The following FBP1 variants were observed in gnomAD, a reference collection of about 807,000 sequenced individuals.
FBP1 encodes fructose-1,6-bisphosphatase 1.
In FBP1, 22 loss-of-function variants were observed where a neutral mutation model predicts 29.9. The observed-to-expected ratio is 0.74, with a 90% CI of 0.53 to 1.05. FBP1 has a LOEUF of 1.05. Ranked by LOEUF, FBP1 falls within the 50% of genes least tolerant of loss-of-function variation. The pLI is 0.00. For missense variants in FBP1, 345 were observed against 448.2 expected (o/e 0.77, Z 2.08); for synonymous variants, 175 against 178.6 (o/e 0.98, Z 0.16).
chr9:94,608,281 T>C (rs1017481589), intron 4 of FBP1, among the ~76,000 whole-genome samples: 45 of 152,068 alleles, frequency 3.0e-4, no homozygotes, highest in African/African-American at 1.0e-3. Flanking sequence ...GGCGGGAGGC[T>C]CAGCCCCGTC....
At chr9:94,605,356 T>G in intron 6 of FBP1, 101 bp downstream of exon 6, 1 of 1,243,702 alleles carries the variant, frequency 8.0e-7, no homozygotes, top group Non-Finnish European at 1.1e-6. Flanking sequence ...CAACCTAGCA[T>G]GGAGCGTAAT....
intron 2 of FBP1, among the ~76,000 whole-genome samples, chr9:94,618,973 A>G (rs1387212534): frequency 1.3e-5 from 2 of 152,124 alleles, no homozygotes; most frequent in African/African-American, 4.8e-5. Flanking sequence ...CCACTTTACA[A>G]TGTCGTTTTT....
intron 1 of FBP1, among the ~76,000 whole-genome samples, chr9:94,629,749 G>A (rs1022766711): frequency 6.6e-6 from 1 of 152,096 alleles, no homozygotes; most frequent in Non-Finnish European, 1.5e-5. Flanking sequence ...TGTCTTCATG[G>A]CCTTAGGAAT....
At chr9:94,615,641 T>C (rs1827851264) in intron 3 of FBP1, among the ~76,000 whole-genome samples, 1 of 152,188 alleles carries the variant, frequency 6.6e-6, no homozygotes, top group South Asian at 2.1e-4. Flanking sequence ...AGAATTTGAA[T>C]CTTCTATTCC....
chr9:94,637,973 C>A (rs1209315785), intron 1 of FBP1, among the ~76,000 whole-genome samples: 2 of 151,552 alleles, frequency 1.3e-5, no homozygotes, highest in Non-Finnish European at 2.9e-5. Flanking sequence ...GTAATCCCAG[C>A]TACTCGGGAG....
chr9:94,637,718 T>A (rs1828213119), intron 1 of FBP1, among the ~76,000 whole-genome samples: 1 of 152,130 alleles, frequency 6.6e-6, no homozygotes, highest in Non-Finnish European at 1.5e-5. Flanking sequence ...ATAGTGTGCA[T>A]AAGTGCGGGG....
chr9:94,603,971 A>G (rs1420887994), intron 6 of FBP1: 2 of 320,512 alleles, frequency 6.2e-6, no homozygotes, highest in Non-Finnish European at 6.1e-6. Flanking sequence ...AAAAAAATCC[A>G]TGGTGGTGTC....
intron 3 of FBP1, among the ~76,000 whole-genome samples, chr9:94,615,401 G>C (rs539988496): frequency 2.5e-4 from 38 of 152,178 alleles, no homozygotes; most frequent in African/African-American, 8.9e-4. Context: ...GGGGGACTGA[G>C]ATGGAGAATG....
intron 1 of FBP1, among the ~76,000 whole-genome samples, chr9:94,635,138 G>A (rs1470331261): frequency 2.0e-5 from 3 of 148,984 alleles, no homozygotes; most frequent in Non-Finnish European, 4.4e-5. Context: ...GAGATTTAGA[G>A]TTTGGTGAAT....
intron 1 of FBP1, among the ~76,000 whole-genome samples, chr9:94,623,697 C>T (rs1278717557): frequency 6.6e-6 from 1 of 152,228 alleles, no homozygotes; most frequent in Non-Finnish European, 1.5e-5. Context: ...TACTCAAAAT[C>T]TTCCTAGACA....
chr9:94,627,568 C>T (rs111900136), intron 1 of FBP1, among the ~76,000 whole-genome samples: 1 of 152,146 alleles, frequency 6.6e-6, no homozygotes, highest in African/African-American at 2.4e-5. Context: ...CGGCTGCCAT[C>T]CCCCGTCTGA....
rs1827646865 is a variant in FBP1, at chr9:94,603,579, A to G, written c.826-7T>C. 14 of 1,614,000 alleles carry G rather than the reference A, an allele frequency of 8.7e-6. No homozygotes were observed. The highest frequency in any genetic ancestry group is 1.2e-5 in the Non-Finnish European group (14 of 1,179,882). On this transcript the variant is annotated splice_polypyrimidine_tract_variant and splice_region_variant and intron_variant, in intron 6 of 6. Transcript: ENST00000375326. Reference sequence around the variant, plus strand: ...ATTCGTACAGCAGTCTCAGCTGGAAAACAAGACCGGGTAGCGGCCTCCTTG... The same window carrying G: ...ATTCGTACAGCAGTCTCAGCTGGAAGACAAGACCGGGTAGCGGCCTCCTTG...
intron 1 of FBP1, among the ~76,000 whole-genome samples, chr9:94,634,780 G>C (rs1828166492): frequency 1.3e-5 from 2 of 152,098 alleles, no homozygotes; most frequent in Non-Finnish European, 2.9e-5. Flanking sequence ...GGCCAACATG[G>C]CTAAACCCTG....
intron 6 of FBP1, 108 bp from the exon 7 acceptor site, chr9:94,603,680 C>T (rs757118871): frequency 4.4e-5 from 44 of 1,000,950 alleles, no homozygotes; most frequent in Non-Finnish European, 6.1e-5. Context: ...TCCAAGGGAA[C>T]GAATACTGTA....
chr9:94,613,536 G>T (rs200490674), intron 3 of FBP1, among the ~76,000 whole-genome samples: 2 of 53,482 alleles, frequency 3.7e-5, no homozygotes, highest in African/African-American at 5.8e-5. Context: ...AGGTCGAGGC[G>T]GGAGGATCGC....
intron 1 of FBP1, among the ~76,000 whole-genome samples, chr9:94,636,586 A>AAC (rs1828193806): frequency 7.2e-5 from 11 of 152,026 alleles, no homozygotes; most frequent in Non-Finnish European, 1.0e-4. Flanking sequence ...GTCTAAGGTT[A>AAC]CTTAGACAGT....
chr9:94,614,051 A>G (rs1297670644), intron 3 of FBP1, among the ~76,000 whole-genome samples: 1 of 151,252 alleles, frequency 6.6e-6, no homozygotes, highest in African/African-American at 2.4e-5. Flanking sequence ...ACTGCACTCC[A>G]GCCTGGGCGA....
intron 3 of FBP1, among the ~76,000 whole-genome samples, chr9:94,613,773 G>GA (rs1265714573): frequency 8.8e-6 from 1 of 113,826 alleles, no homozygotes; most frequent in Non-Finnish European, 1.9e-5. Context: ...TCAAAAAAAA[G>GA]AAAAAAAAGA....
chr9:94,604,731 C>G (rs1369401318), intron 6 of FBP1, among the ~76,000 whole-genome samples: 1 of 152,170 alleles, frequency 6.6e-6, no homozygotes, highest in Non-Finnish European at 1.5e-5. Context: ...CTGCAGTGAG[C>G]TGAGATCGCG....
Sources: gnomAD v4.1 joint callset for allele counts (sites outside exome capture counted in the v4.1 genomes callset) on GRCh38, gnomAD v4.1.1 for gene constraint, MANE v1.5 for transcripts, NCBI Gene and HGNC (gene_info 2026-07-23, HGNC 2026-07-21) for gene names.